Variants in C6 observed in about 807,000 individuals in gnomAD.
The protein encoded by C6 is complement component C6.
Under a neutral mutation model 112.9 loss-of-function variants are expected in C6, and 101 were observed. The observed-to-expected ratio is 0.89, with a 90% CI of 0.76 to 1.06. The LOEUF (loss-of-function observed/expected upper bound fraction) is 1.06, where lower values mean the gene tolerates loss of function less well. C6 is among the 50% of genes least tolerant of loss of function. C6 has a pLI of 0.00. For missense variants in C6, 1,202 were observed against 1,104.6 expected (o/e 1.09, Z -1.25); for synonymous variants, 431 against 384.1 (o/e 1.12, Z -1.43).
At chr5:41,170,891 C>T (rs1422224518) in intron 9 of C6, among the ~76,000 whole-genome samples, 2 of 151,988 alleles carry the variant, frequency 1.3e-5, no homozygotes, top group Non-Finnish European at 2.9e-5. Context: ...GAGAGCATGA[C>T]TTGTTTAGGA....
rs1021968559 is a variant in C6 at position 41,195,785 on chromosome 5, T to C, written c.587+7A>G. ...TCTCCCCAAGATGATAAAAAGATGTTACATACCCATTGCCCATCAACTGTA... is the reference window on the plus strand; with the variant it reads ...TCTCCCCAAGATGATAAAAAGATGTCACATACCCATTGCCCATCAACTGTA... On this transcript the variant is annotated splice_region_variant and intron_variant, in intron 5 of 17. Transcript: ENST00000337836. 3 of 1,613,176 alleles carry C rather than the reference T, an allele frequency of 1.9e-6. No individual in the cohort carries two copies. The African/African-American group carries it at 4.0e-5, about 22-fold the overall frequency.
At chr5:41,183,837 A>G (rs1749547449) in intron 6 of C6, among the ~76,000 whole-genome samples, 1 of 152,204 alleles carries the variant, frequency 6.6e-6, no homozygotes, top group African/African-American at 2.4e-5. Context: ...AGCAACATGG[A>G]TACAGCTGGA....
At chr5:41,255,834 G>A (rs913886442) in intron 1 of C6, among the ~76,000 whole-genome samples, 2 of 152,204 alleles carry the variant, frequency 1.3e-5, no homozygotes, top group Non-Finnish European at 2.9e-5. Flanking sequence ...TTACTGTAAA[G>A]AGCTTATTTT....
At chr5:41,178,466 C>CTTTTTTTTTTTTT (rs70988836) in intron 7 of C6, among the ~76,000 whole-genome samples, 76 of 101,592 alleles carry the variant, frequency 7.5e-4, no homozygotes, top group Non-Finnish European at 9.5e-4. Flanking sequence ...TTTTCTTTTT[C>CTTTTTTTTTTTTT]TTTTTTTTTT....
chr5:41,147,074 A>G (rs949301884), intron 17 of C6, among the ~76,000 whole-genome samples: 1 of 152,196 alleles, frequency 6.6e-6, no homozygotes, highest in African/African-American at 2.4e-5. Flanking sequence ...TTCCCTGCTG[A>G]CCAAATTTTA....
chr5:41,169,923 T>C (rs1307002339), intron 9 of C6, among the ~76,000 whole-genome samples: 1 of 152,182 alleles, frequency 6.6e-6, no homozygotes, highest in Non-Finnish European at 1.5e-5. Flanking sequence ...GCTTTGAACA[T>C]CTGAATTATT....
chr5:41,242,791 C>T (rs1427473438), intron 1 of C6, among the ~76,000 whole-genome samples: 1 of 151,688 alleles, frequency 6.6e-6, no homozygotes, highest in Non-Finnish European at 1.5e-5. Context: ...AGTATGTACA[C>T]TCAATGGAAT....
chr5:41,153,413 C>T (rs1392564850), intron 15 of C6, among the ~76,000 whole-genome samples: 6 of 152,186 alleles, frequency 3.9e-5, no homozygotes, highest in African/African-American at 1.4e-4. Flanking sequence ...TCTATGGCTT[C>T]CACATACATT....
At position 41,160,265 on chromosome 5, in the gene C6, A is replaced by G. The variant is rs1747354228; in HGVS notation, c.1561T>C (p.Cys521Arg). 6.2e-7 allele frequency: 1 copy of G among 1,613,932 alleles called. No individual in the cohort carries two copies. Among genetic ancestry groups the G allele is most frequent in the African/African-American group, 1.3e-5 (1 of 75,028 alleles). Residue 521 changes from cysteine to arginine, a missense_variant, in exon 11 of 18, where the codon TGC (cysteine) becomes CGC (arginine). Physicochemically the swap from Cys to Arg is radical, Grantham distance 180. Coordinates refer to ENST00000337836, the MANE Select transcript of C6 (RefSeq NM_000065.5). The stretch of plus-strand genomic sequence containing the variant: ...TTATTAGGGCATGGAGCACACTGGC[A>G]AGGATCGAACTTGGCTGCATACTCT... ...LQEYAAKFDP[C>R]QCAPCPNNGR...
At chr5:41,198,955 A>G (rs1166771835) in intron 4 of C6, among the ~76,000 whole-genome samples, 1 of 152,088 alleles carries the variant, frequency 6.6e-6, no homozygotes, top group African/African-American at 2.4e-5. Context: ...CCTTATTCAT[A>G]TAGACACAAA....
At chr5:41,251,749 C>T (rs181307578) in intron 1 of C6, among the ~76,000 whole-genome samples, 149 of 152,342 alleles carry the variant, frequency 9.8e-4, no homozygotes, top group African/African-American at 3.4e-3. Flanking sequence ...GTAGGACAGA[C>T]TAGGCTGCGT....
At chr5:41,206,456 G>A (rs957973641) in intron 1 of C6, among the ~76,000 whole-genome samples, 2 of 152,182 alleles carry the variant, frequency 1.3e-5, no homozygotes, top group East Asian at 3.9e-4. Flanking sequence ...TGAACCCATT[G>A]CAAAGAGGCT....
At chr5:41,171,897 G>GTT (rs1748452403) in intron 9 of C6, among the ~76,000 whole-genome samples, 1 of 152,010 alleles carries the variant, frequency 6.6e-6, no homozygotes. Flanking sequence ...TTTAATGGAT[G>GTT]TTTATATGTT....
At chr5:41,179,420 GT>G (rs1749134829) in intron 7 of C6, among the ~76,000 whole-genome samples, 2 of 151,902 alleles carry the variant, frequency 1.3e-5, no homozygotes, top group South Asian at 4.1e-4. Context: ...CATTGACTAT[GT>G]TTATAAGCAG....
At position 41,142,863 on chromosome 5, in the gene C6, T is replaced by G; in HGVS notation, c.2767A>C (p.Lys923Gln). The G allele has an allele frequency of 6.2e-7, 1 of 1,613,648 alleles. No homozygotes were observed. Among genetic ancestry groups the G allele is most frequent in the South Asian group, 1.1e-5 (1 of 91,068 alleles). The change falls in exon 18 of 18, where the codon AAG becomes CAG. Residue 923 changes from lysine to glutamine, a missense_variant. Coordinates refer to ENST00000337836, the MANE Select transcript of C6 (RefSeq NM_000065.5). ...TTTCCAGGATGCAGTATTTCCATCT[T>G]CCTGTTTGCACATCTTATAGTTCCC... The part of the protein sequence containing the change: ...EVGTIRCANR[K>Q]MEILHPGKCL...
At chr5:41,254,839 A>T (rs560693943) in intron 1 of C6, among the ~76,000 whole-genome samples, 1 of 152,258 alleles carries the variant, frequency 6.6e-6, no homozygotes, top group African/African-American at 2.4e-5. Context: ...GCAAGAGTTT[A>T]TGTGACTTCT....
intron 3 of C6, 48 bp downstream of exon 3, chr5:41,201,510 G>A (rs750954741): frequency 1.3e-6 from 2 of 1,551,110 alleles, no homozygotes; most frequent in African/African-American, 2.7e-5. Flanking sequence ...GGGAATCAGA[G>A]CCCTCTATTG....
intron 1 of C6, among the ~76,000 whole-genome samples, chr5:41,255,230 G>A (rs1741616643): frequency 6.6e-6 from 1 of 151,922 alleles, no homozygotes; most frequent in Admixed American, 6.6e-5. Context: ...GCATGGTGGT[G>A]GGTGCCTGTA....
intron 1 of C6, among the ~76,000 whole-genome samples, chr5:41,208,534 G>A (rs1191873785): frequency 6.6e-6 from 1 of 151,852 alleles, no homozygotes; most frequent in Non-Finnish European, 1.5e-5. Flanking sequence ...AATGATAAAG[G>A]GGATATCACC....
Sources: allele counts gnomAD v4.1 joint callset (sites outside exome capture counted in the v4.1 genomes callset), GRCh38; gene constraint gnomAD v4.1.1; transcripts MANE v1.5; gene names NCBI Gene and HGNC (gene_info 2026-07-23, HGNC 2026-07-21).